PRKAG2: variants seen among roughly 807,000 people sequenced by gnomAD.
The protein encoded by PRKAG2 is 5'-AMP-activated protein kinase subunit gamma-2.
PRKAG2 carries 26 observed loss-of-function variants against 69.6 expected under a neutral mutation model. The ratio of observed to expected loss-of-function variants is 0.37; its 90% confidence interval spans 0.27 to 0.52. PRKAG2 has a LOEUF of 0.52. Ranked by LOEUF, PRKAG2 falls within the 20% of genes least tolerant of loss-of-function variation. The pLI is 0.90. For synonymous variants in PRKAG2, 293 were observed against 285.0 expected (o/e 1.03, Z -0.28); for missense variants, 557 against 740.0 (o/e 0.75, Z 2.87).
intron 15 of PRKAG2, chr7:151,558,817 T>C (rs1804323184): frequency 6.1e-6 from 6 of 985,434 alleles, no homozygotes; most frequent in Non-Finnish European, 7.2e-6. Flanking sequence ...TGCAATGACT[T>C]AGAATTTTTG....
intron 1 of PRKAG2, among the ~76,000 whole-genome samples, chr7:151,859,849 C>T (rs564772260): frequency 6.6e-6 from 1 of 152,384 alleles, no homozygotes; most frequent in South Asian, 2.1e-4. Flanking sequence ...CTGTCCCTCA[C>T]TCCCATTTAG....
intron 3 of PRKAG2, among the ~76,000 whole-genome samples, chr7:151,705,258 T>C (rs1838387678): frequency 6.6e-6 from 1 of 152,200 alleles, no homozygotes; most frequent in African/African-American, 2.4e-5. Flanking sequence ...AATATCAGGC[T>C]CCCTTTTCAT....
chr7:151,787,148 T>C (rs1204416061), intron 1 of PRKAG2, among the ~76,000 whole-genome samples: 1 of 152,244 alleles, frequency 6.6e-6, no homozygotes, highest in Non-Finnish European at 1.5e-5. Context: ...CCAGTCATCC[T>C]CAAATCGGGC....
intron 5 of PRKAG2, among the ~76,000 whole-genome samples, chr7:151,617,281 A>AGGGAGGG (rs1563266664): frequency 2.8e-4 from 19 of 68,876 alleles, no homozygotes; most frequent in South Asian, 1.7e-3. Flanking sequence ...GGAGGGAGGG[A>AGGGAGGG]AAGAGGGAGG....
intron 3 of PRKAG2, among the ~76,000 whole-genome samples, chr7:151,714,885 G>T (rs1165827988): frequency 6.6e-6 from 1 of 151,728 alleles, no homozygotes; most frequent in Non-Finnish European, 1.5e-5. Context: ...AGGAGGTGGA[G>T]GTTGCAGTGA....
chr7:151,795,878 T>TATATATATACATATATATATATATAC (rs1563689675), intron 1 of PRKAG2, among the ~76,000 whole-genome samples: 7 of 115,156 alleles, frequency 6.1e-5, no homozygotes, highest in Admixed American at 2.1e-4. Flanking sequence ...TATATATATA[T>TATATATATACATATATATATATATAC]ATATATATAT....
At chr7:151,703,989 G>A (rs1484285599) in intron 3 of PRKAG2, among the ~76,000 whole-genome samples, 1 of 151,920 alleles carries the variant, frequency 6.6e-6, no homozygotes, top group African/African-American at 2.4e-5. Context: ...TTGAACCTGG[G>A]GGGCGGAGGT....
At chr7:151,853,685 G>A (rs1419418796) in intron 1 of PRKAG2, among the ~76,000 whole-genome samples, 23 of 151,192 alleles carry the variant, frequency 1.5e-4, no homozygotes, top group African/African-American at 5.3e-4. Flanking sequence ...GCGTGAACCC[G>A]GGAGGTGGAG....
chr7:151,838,005 C>T (rs2079184981), intron 1 of PRKAG2, among the ~76,000 whole-genome samples: 1 of 151,982 alleles, frequency 6.6e-6, no homozygotes, highest in African/African-American at 2.4e-5. Context: ...GAGGCCACAC[C>T]TGGGCCTCGG....
intron 3 of PRKAG2, among the ~76,000 whole-genome samples, chr7:151,755,041 G>A (rs1417645678): frequency 2.0e-5 from 3 of 152,140 alleles, no homozygotes; most frequent in African/African-American, 7.2e-5. Flanking sequence ...TGGAGACCCC[G>A]TGAAGCCCCG....
intron 3 of PRKAG2, among the ~76,000 whole-genome samples, chr7:151,721,026 G>A (rs1167523508): frequency 1.4e-5 from 2 of 146,120 alleles, no homozygotes; most frequent in Admixed American, 1.4e-4. Flanking sequence ...GAACAGAGGG[G>A]GGTGAAAAAG....
rs569185703 is a variant in PRKAG2, at chr7:151,751,276, T to TTATG, written c.466+29875_466+29876insCATA. ...CCATGCCAGGCTAATTTTTATTTAT[T>TTATG]TATTTATTTACTTATTTTTAGTAGA... is the stretch of plus-strand genomic sequence containing the variant. On this transcript the variant is annotated intron_variant, in intron 3 of 15. Transcript: ENST00000287878. Among the ~76,000 whole-genome samples the TTATG allele has an allele frequency of 4.7e-3, 707 of 151,520 alleles. 24 individuals carry two copies. The highest frequency in any genetic ancestry group is 0.044 in the Admixed American group (665 of 15,204).
At position 151,850,272 on chromosome 7, in the gene PRKAG2, C is replaced by A. The variant is rs973029560; in HGVS notation, c.114+26235G>T. On this transcript the variant is annotated intron_variant, in intron 1 of 15. Transcript: ENST00000287878. This position sits in a 1 kb window ranked among gnomAD's most constrained non-coding sequence, Gnocchi z 4.1. ...GAAACCTGGAGGTACAGTCCCCTCA[C>A]CTAGAACGCTTCTTGAGTGTTTAAT... 2.0e-5 allele frequency among the ~76,000 whole-genome samples: 3 copies of A among 152,208 alleles called. No homozygotes were observed. Among genetic ancestry groups the A allele is most frequent in the Admixed American group, 1.3e-4 (2 of 15,286 alleles).
chr7:151,838,597 C>T (rs2079197996), intron 1 of PRKAG2, among the ~76,000 whole-genome samples: 1 of 151,490 alleles, frequency 6.6e-6, no homozygotes, highest in African/African-American at 2.4e-5. Context: ...GTCTCAGCTA[C>T]TCAGGAGGCT....
At chr7:151,830,520 T>G (rs916878565) in intron 1 of PRKAG2, among the ~76,000 whole-genome samples, 2 of 151,916 alleles carry the variant, frequency 1.3e-5, no homozygotes, top group African/African-American at 2.4e-5. Flanking sequence ...CTGGAAGGAC[T>G]GGGGGACGGA....
chr7:151,645,411 C>T (rs1428140303), intron 4 of PRKAG2, among the ~76,000 whole-genome samples: 1 of 152,158 alleles, frequency 6.6e-6, no homozygotes, highest in African/African-American at 2.4e-5. Flanking sequence ...GGATGAGACC[C>T]TGGTCCTGGC....
chr7:151,590,509 C>T (rs768129121), intron 6 of PRKAG2, among the ~76,000 whole-genome samples: 2 of 152,176 alleles, frequency 1.3e-5, no homozygotes, highest in Admixed American at 6.5e-5. Flanking sequence ...ATTCCAGATT[C>T]GGGAGTTCCT....
chr7:151,769,144 C>T (rs890806285), intron 3 of PRKAG2, among the ~76,000 whole-genome samples: 1 of 152,170 alleles, frequency 6.6e-6, no homozygotes, highest in African/African-American at 2.4e-5. Flanking sequence ...AGAAACTAAC[C>T]CAGGCAGAAA....
chr7:151,815,600 C>T (rs966572063), intron 1 of PRKAG2, among the ~76,000 whole-genome samples: 22 of 152,222 alleles, frequency 1.4e-4, no homozygotes, highest in African/African-American at 4.6e-4. Flanking sequence ...TGCCCAACCC[C>T]GTGCTTCCCC....
Sources: allele counts gnomAD v4.1 joint callset (sites outside exome capture counted in the v4.1 genomes callset), GRCh38; gene constraint gnomAD v4.1.1; non-coding constraint Gnocchi (gnomAD v3.1); transcripts MANE v1.5; gene names NCBI Gene and HGNC (gene_info 2026-07-23, HGNC 2026-07-21).